IFT52: variants seen among roughly 807,000 people sequenced by gnomAD.
IFT52 encodes intraflagellar transport protein 52 homolog.
Under a neutral mutation model 54.4 loss-of-function variants are expected in IFT52, and 44 were observed. The ratio of observed to expected loss-of-function variants is 0.81; its 90% CI spans 0.63 to 1.04. The LOEUF is 1.04. IFT52 is among the 50% of genes least tolerant of loss of function. The pLI is 0.00. For missense variants in IFT52, 452 were observed against 523.6 expected, an observed-to-expected ratio of 0.86 and a Z score of 1.33; for synonymous variants, 181 against 185.3, an observed-to-expected ratio of 0.98 and a Z score of 0.19.
intron 6 of IFT52, among the ~76,000 whole-genome samples, chr20:43,608,653 C>T (rs1983169129): frequency 6.6e-6 from 1 of 152,136 alleles, no homozygotes; most frequent in South Asian, 2.1e-4. Flanking sequence ...CCCTATAATC[C>T]CAACACTTTG....
In IFT52 at chr20:43,645,273, G is replaced by A. The variant is rs1262016228; in HGVS notation, c.1267-1663G>A. ...TAACATAAAGATATTTATCCTTGGG[G>A]CCCAGTGCGGTGGCTCACGCCTGTA... On this transcript the variant is annotated intron_variant, in intron 13 of 13. Coordinates refer to ENST00000373030, the MANE Select transcript of IFT52 (RefSeq NM_016004.5). Among the ~76,000 whole-genome samples the A allele has an allele frequency of 3.4e-5, 2 of 58,314 alleles. 1 individual carries two copies. Among genetic ancestry groups the A allele is most frequent in the Non-Finnish European group, 8.2e-5 (2 of 24,354 alleles). 38.3% of individuals were successfully genotyped at this position (58,314 alleles called of 152,430 possible). A position where few individuals can be genotyped will look rare whatever the true frequency, so the allele number is the denominator to read the frequency against.
chr20:43,594,333 A>C (rs1981761039), intron 1 of IFT52, among the ~76,000 whole-genome samples: 1 of 152,098 alleles, frequency 6.6e-6, no homozygotes, highest in Non-Finnish European at 1.5e-5. Flanking sequence ...AGAATCTAGA[A>C]GACTATACCC....
At chr20:43,614,854 G>C (rs376208236) in intron 7 of IFT52, among the ~76,000 whole-genome samples, 26 of 150,298 alleles carry the variant, frequency 1.7e-4, no homozygotes, top group Admixed American at 1.3e-4. Flanking sequence ...TGTTGTGCAG[G>C]CTGGAGTACA....
intron 13 of IFT52, among the ~76,000 whole-genome samples, chr20:43,643,006 A>C (rs112718456): frequency 6.6e-6 from 1 of 151,962 alleles, no homozygotes; most frequent in Non-Finnish European, 1.5e-5. Context: ...CTCTCCACTA[A>C]AAATACAAAA....
chr20:43,604,779 A>G (rs1982726141), intron 5 of IFT52, among the ~76,000 whole-genome samples: 1 of 151,898 alleles, frequency 6.6e-6, no homozygotes, highest in African/African-American at 2.4e-5. Flanking sequence ...CTTACTTCAC[A>G]TTCAATTTAT....
intron 10 of IFT52, among the ~76,000 whole-genome samples, chr20:43,632,090 T>C (rs1323927447): frequency 6.6e-6 from 1 of 151,044 alleles, no homozygotes; most frequent in Admixed American, 6.6e-5. Flanking sequence ...CATACCTGGC[T>C]AATTTTGTAT....
intron 10 of IFT52, among the ~76,000 whole-genome samples, chr20:43,628,501 G>A (rs2145651831): frequency 6.6e-6 from 1 of 152,276 alleles, no homozygotes; most frequent in South Asian, 2.1e-4. Flanking sequence ...TGAAGATTGT[G>A]GAAGTTCTCA....
chr20:43,622,324 C>T (rs1029084273), intron 9 of IFT52, among the ~76,000 whole-genome samples: 7 of 152,158 alleles, frequency 4.6e-5, no homozygotes, highest in Non-Finnish European at 5.9e-5. Context: ...CTCGGCCGGG[C>T]GCGGTGGCTC....
chr20:43,615,797 C>T (rs537381351), intron 7 of IFT52, among the ~76,000 whole-genome samples: 9 of 152,210 alleles, frequency 5.9e-5, no homozygotes, highest in East Asian at 1.9e-4. Context: ...ATTAGCTGGG[C>T]GTGGTGTGGT....
At chr20:43,628,234 T>G (rs149662970) in intron 10 of IFT52, among the ~76,000 whole-genome samples, 107 of 152,210 alleles carry the variant, frequency 7.0e-4, no homozygotes, top group Middle Eastern at 3.4e-3. Context: ...CAGCCCAGTC[T>G]TAGCTTTTAG....
intron 8 of IFT52, among the ~76,000 whole-genome samples, chr20:43,620,019 C>T (rs1044613439): frequency 5.6e-5 from 8 of 143,016 alleles, no homozygotes; most frequent in Non-Finnish European, 9.0e-5. Context: ...CGGGTTCAAG[C>T]GATTCTCCTG....
At position 43,623,877 on chromosome 20, in the gene IFT52, C is replaced by G; in HGVS notation, c.769-14C>G. ...CTCTTGCTGTGCTAAAAGGAACCCT[C>G]TTGTGGCTTTCAGATTTCTGACTAC... On this transcript the variant is annotated splice_polypyrimidine_tract_variant and intron_variant, in intron 9 of 13. Coordinates refer to ENST00000373030, the MANE Select transcript of IFT52 (RefSeq NM_016004.5). 1 of 1,613,378 alleles carries G rather than the reference C, an allele frequency of 6.2e-7. No individual in the cohort carries two copies. The highest frequency in any genetic ancestry group is 1.1e-5 in the South Asian group (1 of 90,940).
chr20:43,618,843 G>C, intron 7 of IFT52, 97 bp from the exon 8 acceptor site: 1 of 790,484 alleles, frequency 1.3e-6, no homozygotes, highest in Non-Finnish European at 2.2e-6. Flanking sequence ...CAGTATATAA[G>C]ACAGTTGCTA....
At chr20:43,620,136 C>T (rs1008600014) in intron 8 of IFT52, among the ~76,000 whole-genome samples, 14 of 151,694 alleles carry the variant, frequency 9.2e-5, no homozygotes, top group Admixed American at 5.9e-4. Flanking sequence ...AGGCTGGTCT[C>T]GAACTCCTGA....
At chr20:43,623,026 G>A (rs1431271779) in intron 9 of IFT52, among the ~76,000 whole-genome samples, 1 of 152,026 alleles carries the variant, frequency 6.6e-6, no homozygotes, top group Non-Finnish European at 1.5e-5. Flanking sequence ...TGGTGTCACA[G>A]GTGCTCTGGC....
chr20:43,607,609 G>A (rs972125922), intron 6 of IFT52, among the ~76,000 whole-genome samples: 1 of 142,104 alleles, frequency 7.0e-6, no homozygotes, highest in Non-Finnish European at 1.5e-5. Flanking sequence ...TCCTAAATGG[G>A]ATGGCATCCT....
intron 8 of IFT52, 104 bp downstream of exon 8, chr20:43,619,130 GA>G (rs1165538642): frequency 5.0e-6 from 4 of 792,420 alleles, no homozygotes; most frequent in Non-Finnish European, 8.2e-6. Context: ...CAGCTACTCA[GA>G]ACCCATTATA....
chr20:43,615,473 C>T (rs1983786558), intron 7 of IFT52, among the ~76,000 whole-genome samples: 1 of 152,092 alleles, frequency 6.6e-6, no homozygotes, highest in East Asian at 1.9e-4. Flanking sequence ...TCCTATTTTT[C>T]TTTGTGGTAC....
At chr20:43,612,126 T>C (rs1172242067) in intron 6 of IFT52, among the ~76,000 whole-genome samples, 1 of 152,156 alleles carries the variant, frequency 6.6e-6, no homozygotes, top group African/African-American at 2.4e-5. Flanking sequence ...CTTCCATTGA[T>C]TGCATTTTGG....
Sources: allele counts gnomAD v4.1 joint callset (sites outside exome capture counted in the v4.1 genomes callset), GRCh38; gene constraint gnomAD v4.1.1; transcripts MANE v1.5; gene names NCBI Gene and HGNC (gene_info 2026-07-23, HGNC 2026-07-21).